Variants in NXPH1 observed in about 807,000 individuals in gnomAD.
NXPH1 encodes the protein neurexophilin 1.
A neutral mutation model predicts 23.7 loss-of-function variants in NXPH1; 5 were observed. That is an observed-to-expected ratio of 0.21 (90% CI 0.11 to 0.44). The LOEUF (loss-of-function observed/expected upper bound fraction) is 0.44. NXPH1 is among the 20% of genes least tolerant of loss of function. The probability of loss-of-function intolerance (pLI) is 0.99; values close to 1 mark genes in which losing one functional copy is unlikely to be tolerated. For synonymous variants in NXPH1, 144 were observed against 122.2 expected, an observed-to-expected ratio of 1.18 and a Z score of -1.18; for missense variants, 324 against 321.6, an observed-to-expected ratio of 1.01 and a Z score of -0.06.
intron 2 of NXPH1, among the ~76,000 whole-genome samples, chr7:8,537,858 G>T (rs1488370393): frequency 1.3e-5 from 2 of 151,720 alleles, no homozygotes; most frequent in Admixed American, 6.6e-5. Flanking sequence ...TGTACTTTTA[G>T]ACCTTACTTT....
At chr7:8,542,867 T>C (rs1316489611) in intron 2 of NXPH1, among the ~76,000 whole-genome samples, 1 of 151,528 alleles carries the variant, frequency 6.6e-6, no homozygotes, top group Non-Finnish European at 1.5e-5. Context: ...TGAGAAAGAC[T>C]TATTCAACAA....
In NXPH1 at chr7:8,744,141, C is replaced by G. The variant is rs6953142; in HGVS notation, c.55-6867C>G. The stretch of plus-strand genomic sequence containing the variant: ...TTGAAGAAAATGACCCTTGTCTATG[C>G]CCCTATTTGTATATAGTCTCAAAAG... On this transcript the variant is annotated intron_variant, in intron 2 of 2. Transcript: ENST00000405863. Among the ~76,000 whole-genome samples, 480 of 152,244 alleles carry G rather than the reference C, an allele frequency of 3.2e-3. 2 individuals are homozygous for G. Among genetic ancestry groups the G allele is most frequent in the African/African-American group, 0.011 (455 of 41,528 alleles).
At chr7:8,459,036 C>T (rs1013219922) in intron 2 of NXPH1, among the ~76,000 whole-genome samples, 1 of 151,876 alleles carries the variant, frequency 6.6e-6, no homozygotes, top group Non-Finnish European at 1.5e-5. Flanking sequence ...ATAAAGCATT[C>T]CCCTTACCAT....
intron 2 of NXPH1, among the ~76,000 whole-genome samples, chr7:8,572,494 T>C (rs2128622329): frequency 6.6e-6 from 1 of 152,130 alleles, no homozygotes; most frequent in African/African-American, 2.4e-5. Context: ...CATTCTATAA[T>C]CATAATACAG....
At chr7:8,440,971 A>G (rs1392350862) in intron 2 of NXPH1, among the ~76,000 whole-genome samples, 1 of 152,206 alleles carries the variant, frequency 6.6e-6, no homozygotes, top group African/African-American at 2.4e-5. Flanking sequence ...CTGTAAAGCA[A>G]GTGATGGAAG....
chr7:8,701,245 C>T (rs1438130102), intron 2 of NXPH1, among the ~76,000 whole-genome samples: 1 of 152,056 alleles, frequency 6.6e-6, no homozygotes, highest in Non-Finnish European at 1.5e-5. Flanking sequence ...TCAGAATTAT[C>T]ATCTCATGAG....
intron 2 of NXPH1, among the ~76,000 whole-genome samples, chr7:8,515,304 G>T (rs1817670167): frequency 6.6e-6 from 1 of 152,030 alleles, no homozygotes. Flanking sequence ...GTGTGATTTT[G>T]CTTCATCATC....
At position 8,582,323 on chromosome 7, in the gene NXPH1, T is replaced by A. The variant is rs73052507; in HGVS notation, c.54+146556T>A. On this transcript the variant is annotated intron_variant, in intron 2 of 2. Coordinates refer to ENST00000405863, the MANE Select transcript of NXPH1 (RefSeq NM_152745.3). ...CTGTGTTTCAGCCCTGTTTGCGTTA[T>A]AGCTCTTTCAGTCCTGCCATTTGGC... Among the ~76,000 whole-genome samples, 1,082 of 152,294 alleles carry A rather than the reference T, an allele frequency of 7.1e-3. 4 individuals are homozygous for A. The highest frequency in any genetic ancestry group is 0.014 in the South Asian group (69 of 4,826).
At chr7:8,713,392 T>C (rs1779825746) in intron 2 of NXPH1, among the ~76,000 whole-genome samples, 1 of 152,234 alleles carries the variant, frequency 6.6e-6, no homozygotes, top group African/African-American at 2.4e-5. Flanking sequence ...CCAAAAAAAC[T>C]CTTTTGAATT....
At chr7:8,530,121 T>C (rs1472486113) in intron 2 of NXPH1, among the ~76,000 whole-genome samples, 1 of 152,064 alleles carries the variant, frequency 6.6e-6, no homozygotes, top group Non-Finnish European at 1.5e-5. Flanking sequence ...CCACGGGATG[T>C]AGAGAAAAAC....
At chr7:8,515,352 CATGGT>C (rs1240184848) in intron 2 of NXPH1, among the ~76,000 whole-genome samples, 3 of 152,074 alleles carry the variant, frequency 2.0e-5, no homozygotes, top group African/African-American at 7.2e-5. Flanking sequence ...TCATGGGACA[CATGGT>C]ACTGTATGCT....
chr7:8,590,430 T>A (rs1489157378), intron 2 of NXPH1, among the ~76,000 whole-genome samples: 2 of 152,086 alleles, frequency 1.3e-5, no homozygotes, highest in Non-Finnish European at 2.9e-5. Context: ...GTTGCTTCAT[T>A]TCTCCAAGGA....
At position 8,688,852 on chromosome 7, in the gene NXPH1, G is replaced by T. The variant is rs538197125; in HGVS notation, c.55-62156G>T. Among the ~76,000 whole-genome samples, 6 of 152,284 alleles carry T rather than the reference G, an allele frequency of 3.9e-5. No homozygotes were observed. The South Asian group carries it at 1.2e-3, about 32-fold the overall frequency. On this transcript the variant is annotated intron_variant, in intron 2 of 2. Transcript: ENST00000405863. Reference sequence around the variant, plus strand: ...CAGAAAGTAATTGATAAATGTTGCAGAACAGGATTACAGCTTTCAGGCACA... The same window carrying T: ...CAGAAAGTAATTGATAAATGTTGCATAACAGGATTACAGCTTTCAGGCACA...
rs150418408 is a variant in NXPH1 at position 8,733,468 on chromosome 7, A to T, written c.55-17540A>T. 5.8e-3 allele frequency among the ~76,000 whole-genome samples: 888 copies of T among 152,222 alleles called. 11 individuals carry two copies. The highest frequency in any genetic ancestry group is 0.02 in the African/African-American group (846 of 41,554). On this transcript the variant is annotated intron_variant, in intron 2 of 2. Transcript: ENST00000405863. ...GAGGAATCGCCACACTGTCTTCCTC[A>T]ATGGTTGAGCTAATTTACACTCCCA...
intron 2 of NXPH1, among the ~76,000 whole-genome samples, chr7:8,668,556 A>T (rs1011153563): frequency 6.6e-6 from 1 of 152,112 alleles, no homozygotes; most frequent in Non-Finnish European, 1.5e-5. Flanking sequence ...GATTGAGTCC[A>T]TGGGGGTGGG....
intron 2 of NXPH1, among the ~76,000 whole-genome samples, chr7:8,658,907 G>GC (rs1820625957): frequency 6.6e-6 from 1 of 151,750 alleles, no homozygotes; most frequent in Admixed American, 6.6e-5. Flanking sequence ...AATTATATGC[G>GC]CAAGATTTAT....
At position 8,599,672 on chromosome 7, in the gene NXPH1, T is replaced by C. The variant is rs148381575; in HGVS notation, c.55-151336T>C. 4.4e-3 allele frequency among the ~76,000 whole-genome samples: 667 copies of C among 152,268 alleles called. 5 individuals are homozygous for C. Among genetic ancestry groups the C allele is most frequent in the African/African-American group, 0.015 (637 of 41,566 alleles). On this transcript the variant is annotated intron_variant, in intron 2 of 2. Transcript: ENST00000405863. ...TCAATCACTTCAATTTGTACTATTG[T>C]TAGCACTCAAGACCTGGTTTATTGT...
intron 2 of NXPH1, among the ~76,000 whole-genome samples, chr7:8,605,073 TA>T (rs1379290243): frequency 6.6e-6 from 1 of 152,150 alleles, no homozygotes; most frequent in Non-Finnish European, 1.5e-5. Flanking sequence ...CTTTGTATTT[TA>T]ACATTTGAAA....
At chr7:8,679,182 C>T (rs1028044552) in intron 2 of NXPH1, among the ~76,000 whole-genome samples, 2 of 151,940 alleles carry the variant, frequency 1.3e-5, no homozygotes, top group Admixed American at 6.6e-5. Context: ...CTCCTGACCT[C>T]GTGATCCGCC....
Sources: gnomAD v4.1 joint callset for allele counts (sites outside exome capture counted in the v4.1 genomes callset) on GRCh38, gnomAD v4.1.1 for gene constraint, MANE v1.5 for transcripts, NCBI Gene and HGNC (gene_info 2026-07-23, HGNC 2026-07-21) for gene names.